TRIP11: variants seen among roughly 807,000 people sequenced by gnomAD.
The protein encoded by TRIP11 is thyroid receptor-interacting protein 11.
TRIP11 carries 148 observed loss-of-function variants against 223.1 expected under a neutral mutation model. The observed-to-expected ratio is 0.66, with a 90% CI of 0.58 to 0.76. The LOEUF is 0.76. TRIP11 is among the 30% of genes least tolerant of loss of function. The pLI is 0.00. For missense variants in TRIP11, 2,043 were observed against 2,222.0 expected (o/e 0.92, Z 1.62); for synonymous variants, 762 against 772.6 (o/e 0.99, Z 0.23).
Position 91,995,560 on chromosome 14 carries a change from A to G in TRIP11, c.4893-45T>C, listed in dbSNP as rs1273957984. Reference sequence around the variant, plus strand: ...AAGTCAAACTGCTTCATCTATTTAGATACTTTAACAAGAAGAAGCCACCTT... The same window carrying G: ...AAGTCAAACTGCTTCATCTATTTAGGTACTTTAACAAGAAGAAGCCACCTT... On this transcript the variant is annotated intron_variant, in intron 13 of 20. Transcript: ENST00000267622. The G allele has an allele frequency of 5.6e-6, 9 of 1,606,744 alleles. No homozygotes were observed. The African/African-American group carries it at 1.1e-4, about 19-fold the overall frequency.
chr14:91,973,931 G>A (rs572885181), intron 19 of TRIP11, among the ~76,000 whole-genome samples: 70 of 152,334 alleles, frequency 4.6e-4, no homozygotes, highest in East Asian at 9.7e-4. Flanking sequence ...GGGAGACTGA[G>A]GCAGGAGAAC....
intron 2 of TRIP11, among the ~76,000 whole-genome samples, chr14:92,031,891 C>T (rs1203158394): frequency 6.6e-6 from 1 of 152,136 alleles, no homozygotes; most frequent in Non-Finnish European, 1.5e-5. Context: ...CAGCTCACCG[C>T]AGCCTTGACT....
intron 15 of TRIP11, 71 bp downstream of exon 15, chr14:91,993,738 C>A: frequency 7.9e-7 from 1 of 1,262,042 alleles, no homozygotes; most frequent in Non-Finnish European, 1.1e-6. Flanking sequence ...AGATTATTTC[C>A]AAGACAAAGA....
chr14:91,997,576 G>A (rs2056766701), intron 13 of TRIP11, among the ~76,000 whole-genome samples: 1 of 152,078 alleles, frequency 6.6e-6, no homozygotes, highest in African/African-American at 2.4e-5. Context: ...AAATGGAATT[G>A]AAGAATAGGC....
chr14:92,011,731 T>C (rs747137302), intron 8 of TRIP11, 24 bp downstream of exon 8: 18 of 1,604,558 alleles, frequency 1.1e-5, no homozygotes, highest in Admixed American at 1.7e-5. Context: ...TCTATGCACA[T>C]AACATTTGTC....
In TRIP11 at chr14:92,034,979, A is replaced by C. The variant is rs758498087; in HGVS notation, c.140-1726T>G. Among the ~76,000 whole-genome samples the C allele has an allele frequency of 2.5e-4, 38 of 151,472 alleles. 1 individual carries two copies. In the South Asian group the frequency reaches 2.9e-3, roughly 12 times the overall value. The stretch of plus-strand genomic sequence containing the variant: ...TTTAAAAGTAGAGTGAGAGCCCAGC[A>C]GTGTCAACATGGCACCACTAATGCT... On this transcript the variant is annotated intron_variant, in intron 1 of 20. Coordinates refer to ENST00000267622, the MANE Select transcript of TRIP11 (RefSeq NM_004239.4).
In TRIP11 at chr14:91,969,473, A is replaced by C; in HGVS notation, c.*200T>G. 1.6e-6 allele frequency: 1 copy of C among 619,812 alleles called. No individual in the cohort carries two copies. Among genetic ancestry groups the C allele is most frequent in the Non-Finnish European group, 2.9e-6 (1 of 346,942 alleles). 38.4% of individuals were successfully genotyped at this position (619,812 alleles called of 1,614,324 possible). A position where few individuals can be genotyped will look rare whatever the true frequency, so the allele number is the denominator to read the frequency against. On this transcript the variant is annotated 3_prime_UTR_variant, in exon 21 of 21. Coordinates refer to ENST00000267622, the MANE Select transcript of TRIP11 (RefSeq NM_004239.4). ...AAATTAGGTCAAATCAGAAGGAATA[A>C]AGCAGATTATATAGCAAACACTTGC... is the stretch of plus-strand genomic sequence containing the variant.
At chr14:92,025,857 T>G (rs2057178556) in intron 2 of TRIP11, among the ~76,000 whole-genome samples, 1 of 144,760 alleles carries the variant, frequency 6.9e-6, no homozygotes, top group Non-Finnish European at 1.5e-5. Flanking sequence ...TCCAGCCTGG[T>G]GACAGAGCGA....
At chr14:92,015,587 G>A (rs1241775548) in intron 6 of TRIP11, 109 bp downstream of exon 6, 6 of 855,772 alleles carry the variant, frequency 7.0e-6, no homozygotes, top group Non-Finnish European at 5.2e-6. Context: ...GAACCCGGGG[G>A]GCGGAGGTTG....
intron 8 of TRIP11, 29 bp from the exon 9 acceptor site, chr14:92,011,101 G>A (rs749965205): frequency 1.2e-6 from 2 of 1,602,942 alleles, no homozygotes; most frequent in Admixed American, 1.7e-5. Context: ...AGTGTTTTCA[G>A]GTAACAAGAA....
intron 16 of TRIP11, among the ~76,000 whole-genome samples, chr14:91,980,209 A>G (rs773469791): frequency 2.0e-5 from 3 of 152,230 alleles, no homozygotes; most frequent in Non-Finnish European, 4.4e-5. Flanking sequence ...GGCACATCAT[A>G]ATTTTACATT....
chr14:92,013,773 G>C (rs763415546), intron 7 of TRIP11, among the ~76,000 whole-genome samples: 1 of 152,020 alleles, frequency 6.6e-6, no homozygotes, highest in African/African-American at 2.4e-5. Flanking sequence ...TTATTTACTG[G>C]TGTTTGGCCT....
chr14:92,040,025 C>T lies in TRIP11; in HGVS notation c.-340G>A, dbSNP rs903357333. On this transcript the variant is annotated 5_prime_UTR_variant, in exon 1 of 21. Coordinates refer to ENST00000267622, the MANE Select transcript of TRIP11 (RefSeq NM_004239.4). The stretch of plus-strand genomic sequence containing the variant: ...TTACTCCTGCCAACTCGACGCCGGC[C>T]GCCATGACACTCGCTCGGAAAGCGG... 4.7e-6 allele frequency: 2 copies of T among 424,164 alleles called. No homozygotes were observed. The highest frequency in any genetic ancestry group is 2.0e-5 in the African/African-American group (1 of 50,570). 26.3% of individuals were successfully genotyped at this position (424,164 alleles called of 1,614,324 possible).
chr14:91,979,059 C>T (rs1233996104), intron 16 of TRIP11, among the ~76,000 whole-genome samples: 1 of 151,958 alleles, frequency 6.6e-6, no homozygotes, highest in Non-Finnish European at 1.5e-5. Flanking sequence ...GAGTTTGAGA[C>T]CAGCCTGGGC....
chr14:92,001,632 T>A (rs2402089), intron 11 of TRIP11, among the ~76,000 whole-genome samples: 1 of 152,078 alleles, frequency 6.6e-6, no homozygotes, highest in East Asian at 1.9e-4. Context: ...GTGAGGAGAG[T>A]GTTAATAATA....
intron 14 of TRIP11, 65 bp from the exon 15 acceptor site, chr14:91,993,977 AT>A: frequency 8.1e-7 from 1 of 1,232,456 alleles, no homozygotes. Context: ...ATGTTAAGCC[AT>A]TTTAAATTTT....
chr14:91,992,753 CA>C (rs1176954104), intron 15 of TRIP11, among the ~76,000 whole-genome samples: 1 of 151,236 alleles, frequency 6.6e-6, no homozygotes, highest in Admixed American at 6.6e-5. Context: ...ACTAAAAATA[CA>C]AAAAATTAGC....
At position 91,969,808 on chromosome 14, in the gene TRIP11, T is replaced by C. The variant is rs1465680661; in HGVS notation, c.5805A>G (p.Pro1935=). 8 of 1,614,074 alleles carry C rather than the reference T, an allele frequency of 5.0e-6. No individual in the cohort carries two copies. The East Asian group carries it at 1.3e-4, about 27-fold the overall frequency. Residue 1935 remains proline, a synonymous_variant, in exon 21 of 21, where the codon CCA becomes CCG. Transcript: ENST00000267622. ...PRSAAVPLIN[P]AGLGPGGPGH... is the part of the protein sequence containing the mutation. ...CGGGCCCACCAGGTCCAAGTCCAGCTGGGTTAATAAGAGGTACAGCTGCCG... is the reference window on the plus strand; with the variant it reads ...CGGGCCCACCAGGTCCAAGTCCAGCCGGGTTAATAAGAGGTACAGCTGCCG...
At chr14:92,008,484 C>T (rs1392683032) in intron 9 of TRIP11, among the ~76,000 whole-genome samples, 2 of 152,120 alleles carry the variant, frequency 1.3e-5, no homozygotes, top group Non-Finnish European at 2.9e-5. Context: ...AGACTAGGTT[C>T]CCCTCTGTCA....
Sources: allele counts gnomAD v4.1 joint callset (sites outside exome capture counted in the v4.1 genomes callset), GRCh38; gene constraint gnomAD v4.1.1; transcripts MANE v1.5; gene names NCBI Gene and HGNC (gene_info 2026-07-23, HGNC 2026-07-21).